Variants in PARVB observed in about 807,000 individuals in gnomAD.
PARVB encodes the protein parvin beta.
In PARVB, 46 loss-of-function variants were observed where a neutral mutation model predicts 47.0. The ratio of observed to expected loss-of-function variants is 0.98; its 90% CI spans 0.77 to 1.25. PARVB has a LOEUF of 1.25. Ranked by LOEUF, PARVB falls within the 50% of genes most tolerant of loss-of-function variation. PARVB has a pLI of 0.00. For synonymous variants in PARVB, 196 were observed against 196.3 expected (o/e 1.00, Z 0.01); for missense variants, 473 against 471.6 (o/e 1.00, Z -0.03).
chr22:44,098,581 G>A (rs2052365005), intron 2 of PARVB, among the ~76,000 whole-genome samples: 1 of 152,124 alleles, frequency 6.6e-6, no homozygotes, highest in African/African-American at 2.4e-5. Context: ...CATGGAGGAC[G>A]CCGGCCTTGA....
intron 1 of PARVB, among the ~76,000 whole-genome samples, chr22:44,074,640 G>A (rs1310470684): frequency 6.6e-6 from 1 of 152,194 alleles, no homozygotes; most frequent in Non-Finnish European, 1.5e-5. Flanking sequence ...TAGTAGAGGA[G>A]GAGCCCCACC....
chr22:44,136,397 G>A (rs2053441180), intron 6 of PARVB, 63 bp from the exon 7 acceptor site: 4 of 1,441,114 alleles, frequency 2.8e-6, no homozygotes, highest in East Asian at 4.5e-5. Flanking sequence ...CGTCTGCCCT[G>A]TCAGTGCATC....
intron 3 of PARVB, 111 bp from the exon 4 acceptor site, chr22:44,118,927 C>A: frequency 4.0e-6 from 3 of 751,362 alleles, no homozygotes; most frequent in Non-Finnish European, 4.8e-6. Context: ...TTGCTGTGGT[C>A]CCGGTGGTGG....
Position 44,068,058 on chromosome 22 carries a change from G to C in PARVB, c.113-25870G>C, listed in dbSNP as rs899886778. ...CAGAGCCCCGCCTGGAGCACCTGCT[G>C]GGTCGGGACATGGGCCTCCCGTGGG... On this transcript the variant is annotated intron_variant, in intron 1 of 12. Coordinates refer to ENST00000338758, the MANE Select transcript of PARVB (RefSeq NM_013327.5). The surrounding 1 kb of genome is among the most constrained non-coding windows in gnomAD (Gnocchi z 4.1). Among the ~76,000 whole-genome samples, 1 of 152,046 alleles carries C rather than the reference G, an allele frequency of 6.6e-6. No homozygotes were observed. The highest frequency in any genetic ancestry group is 2.4e-5 in the African/African-American group (1 of 41,390).
chr22:44,018,593 C>T (rs1186973771), intron 2 of PARVB, among the ~76,000 whole-genome samples: 2 of 152,260 alleles, frequency 1.3e-5, no homozygotes, highest in Admixed American at 6.5e-5. Flanking sequence ...CTCTTTGTCC[C>T]CCACTTCCAT....
chr22:44,062,399 A>G (rs964019172), intron 1 of PARVB, among the ~76,000 whole-genome samples: 1 of 152,196 alleles, frequency 6.6e-6, no homozygotes, highest in African/African-American at 2.4e-5. Context: ...GCACTTTGGG[A>G]GGCCAAGGCA....
intron 1 of PARVB, chr22:44,026,365 C>T (rs1004748959): frequency 1.0e-6 from 1 of 985,522 alleles, no homozygotes; most frequent in African/African-American, 1.7e-5. Flanking sequence ...GCTGATGCTG[C>T]TTTCGCTGGG....
chr22:44,041,194 A>G (rs1168545782), intron 1 of PARVB, among the ~76,000 whole-genome samples: 2 of 152,090 alleles, frequency 1.3e-5, no homozygotes, highest in Non-Finnish European at 2.9e-5. Flanking sequence ...ACAAGTGTTC[A>G]CTTCAAACTT....
intron 4 of PARVB, among the ~76,000 whole-genome samples, chr22:44,128,133 C>T (rs966050246): frequency 6.6e-6 from 1 of 152,208 alleles, no homozygotes; most frequent in African/African-American, 2.4e-5. Context: ...GGGTTCTCTG[C>T]CACATGCCAG....
chr22:44,158,230 A>ACT, intron 11 of PARVB, 147 bp downstream of exon 11: 1 of 597,560 alleles, frequency 1.7e-6, no homozygotes. Flanking sequence ...ATTAGATGTA[A>ACT]CTCTCAGCAA....
At chr22:44,051,402 C>T (rs914031346) in intron 1 of PARVB, among the ~76,000 whole-genome samples, 5 of 152,220 alleles carry the variant, frequency 3.3e-5, no homozygotes, top group Non-Finnish European at 5.9e-5. Context: ...CTGTGGCTGG[C>T]GCCTGGCTGG....
intron 1 of PARVB, chr22:44,039,870 A>C: frequency 4.4e-6 from 2 of 455,816 alleles, no homozygotes; most frequent in Non-Finnish European, 8.8e-6. Context: ...GCTGAAGTGC[A>C]GTGGTGCAGT....
At chr22:44,154,726 CTGTG>C (rs1208829336) in intron 10 of PARVB, among the ~76,000 whole-genome samples, 1 of 120,772 alleles carries the variant, frequency 8.3e-6, no homozygotes, top group Non-Finnish European at 1.7e-5. Flanking sequence ...GTTAAGTAGT[CTGTG>C]TGGTGTGTGT....
At position 44,172,561 on chromosome 22, in the gene PARVB, T is replaced by C. The variant is rs1569172668; in HGVS notation, c.*3883T>C. 1 of 170,726 alleles carries C rather than the reference T, an allele frequency of 5.9e-6. No individual in the cohort carries two copies. The highest frequency in any genetic ancestry group is 1.3e-5 in the Non-Finnish European group (1 of 77,754). The allele number at this position is 170,726 out of a possible 1,614,324, so 10.6% of individuals were successfully genotyped here. On this transcript the variant is annotated 3_prime_UTR_variant, in exon 13 of 13. Coordinates refer to ENST00000338758, the MANE Select transcript of PARVB (RefSeq NM_013327.5). ...AGCCTCCCGCAGCTTCAGTTCCCCTTTGACGCCCACACAGTGTTATGCAAG... is the reference window on the plus strand; with the variant it reads ...AGCCTCCCGCAGCTTCAGTTCCCCTCTGACGCCCACACAGTGTTATGCAAG...
intron 1 of PARVB, among the ~76,000 whole-genome samples, chr22:44,064,015 G>T (rs1455099953): frequency 2.0e-5 from 3 of 152,218 alleles, no homozygotes; most frequent in Non-Finnish European, 4.4e-5. Context: ...CTCGGTTTCT[G>T]TGTGGTCAGT....
chr22:44,170,836 G>C lies in PARVB; in HGVS notation c.*2158G>C, dbSNP rs775389023. 2 of 152,266 alleles carry C rather than the reference G, an allele frequency of 1.3e-5. No homozygotes were observed. The highest frequency in any genetic ancestry group is 2.9e-5 in the Non-Finnish European group (2 of 68,046). 9.4% of individuals were successfully genotyped at this position (152,266 alleles called of 1,614,324 possible). On this transcript the variant is annotated 3_prime_UTR_variant, in exon 13 of 13. Coordinates refer to ENST00000338758, the MANE Select transcript of PARVB (RefSeq NM_013327.5). ...CTTTTTGTCTTCCTGCCGCAGATCAGAGCTTTGGAGTAAGTTTTGATATGA... is the reference window on the plus strand; with the variant it reads ...CTTTTTGTCTTCCTGCCGCAGATCACAGCTTTGGAGTAAGTTTTGATATGA...
intron 11 of PARVB, among the ~76,000 whole-genome samples, chr22:44,161,697 C>T (rs987142084): frequency 6.6e-6 from 1 of 152,192 alleles, no homozygotes; most frequent in Non-Finnish European, 1.5e-5. Context: ...ATATTCACCT[C>T]GTACAGGGCT....
chr22:44,120,146 C>T (rs1382770567), intron 4 of PARVB, among the ~76,000 whole-genome samples: 3 of 152,218 alleles, frequency 2.0e-5, no homozygotes, highest in Non-Finnish European at 4.4e-5. Context: ...CGGGGCCTTT[C>T]TCTGACCTGT....
chr22:44,025,232 G>T (rs2050709661), intron 1 of PARVB, among the ~76,000 whole-genome samples: 1 of 152,050 alleles, frequency 6.6e-6, no homozygotes, highest in African/African-American at 2.4e-5. Context: ...GGCCTCAGGT[G>T]GGTCCCCGGG....
Sources: gnomAD v4.1 joint callset for allele counts (sites outside exome capture counted in the v4.1 genomes callset) on GRCh38, gnomAD v4.1.1 for gene constraint, Gnocchi (gnomAD v3.1) non-coding constraint, MANE v1.5 for transcripts, NCBI Gene and HGNC (gene_info 2026-07-23, HGNC 2026-07-21) for gene names.